The following CDH20 variants were observed in gnomAD, a reference collection of about 807,000 sequenced individuals.
CDH20 encodes the protein cadherin-20.
In CDH20, 29 loss-of-function variants were observed where a neutral mutation model predicts 74.2. That is an observed-to-expected ratio of 0.39 (90% confidence interval 0.29 to 0.53). The LOEUF (loss-of-function observed/expected upper bound fraction) is 0.53. Ranked by LOEUF, CDH20 falls within the 20% of genes least tolerant of loss-of-function variation. The pLI is 0.69. For missense variants in CDH20, 988 were observed against 1,048.3 expected (o/e 0.94, Z 0.79); for synonymous variants, 469 against 405.4 (o/e 1.16, Z -1.88).
intron 1 of CDH20, among the ~76,000 whole-genome samples, chr18:61,369,054 C>CTGGGATT (rs912809454): frequency 6.6e-6 from 1 of 151,524 alleles, no homozygotes; most frequent in African/African-American, 2.4e-5. Flanking sequence ...TCTATAGAAA[C>CTGGGATT]TGGGATTTGG....
At chr18:61,393,060 T>C (rs1911847467) in intron 1 of CDH20, among the ~76,000 whole-genome samples, 1 of 152,236 alleles carries the variant, frequency 6.6e-6, no homozygotes, top group African/African-American at 2.4e-5. Context: ...ATGTTGCCCA[T>C]AATAAAGCCA....
intron 1 of CDH20, among the ~76,000 whole-genome samples, chr18:61,487,405 GC>G (rs1448571232): frequency 6.6e-6 from 1 of 152,198 alleles, no homozygotes; most frequent in African/African-American, 2.4e-5. Context: ...GTATAACCCA[GC>G]TTTTACCTTC....
chr18:61,460,050 A>C (rs1321034281), intron 1 of CDH20, among the ~76,000 whole-genome samples: 5 of 152,184 alleles, frequency 3.3e-5, no homozygotes, highest in African/African-American at 1.2e-4. Flanking sequence ...ATTGGATTTG[A>C]GTTCCTTTCT....
intron 1 of CDH20, among the ~76,000 whole-genome samples, chr18:61,475,297 T>C (rs1956460394): frequency 6.6e-6 from 1 of 152,196 alleles, no homozygotes; most frequent in Admixed American, 6.5e-5. Flanking sequence ...AAGGTGGGGA[T>C]GGAAGAAATC....
intron 6 of CDH20, among the ~76,000 whole-genome samples, chr18:61,517,695 T>TTGATG (rs1555682483): frequency 6.6e-6 from 1 of 151,916 alleles, no homozygotes; most frequent in Admixed American, 6.6e-5. Flanking sequence ...TGCAGTTTTT[T>TTGATG]TTGTTGTTGT....
At chr18:61,344,776 A>T (rs141246714) in intron 1 of CDH20, among the ~76,000 whole-genome samples, 1 of 152,228 alleles carries the variant, frequency 6.6e-6, no homozygotes, top group African/African-American at 2.4e-5. Flanking sequence ...AGGTCTCCAG[A>T]CTGGAAGGTA....
rs116055339 is a variant in CDH20, at chr18:61,489,918, A to G, written c.-152-484A>G. 5.1e-3 allele frequency among the ~76,000 whole-genome samples: 770 copies of G among 152,188 alleles called. 9 individuals carry two copies. The highest frequency in any genetic ancestry group is 0.018 in the African/African-American group (728 of 41,524). ...TATCAATAACAGCAGTAGGCACAAG[A>G]TCATTGTGGGTGACCAAAAAAAAAC... On this transcript the variant is annotated intron_variant, in intron 1 of 11. Coordinates refer to ENST00000262717, the MANE Select transcript of CDH20 (RefSeq NM_031891.4).
At chr18:61,415,433 T>C (rs961207439) in intron 1 of CDH20, among the ~76,000 whole-genome samples, 1 of 152,200 alleles carries the variant, frequency 6.6e-6, no homozygotes, top group African/African-American at 2.4e-5. Flanking sequence ...ACACTTTGTG[T>C]GAGTCCCATC....
intron 10 of CDH20, among the ~76,000 whole-genome samples, chr18:61,545,519 C>T (rs970940354): frequency 4.6e-5 from 7 of 152,096 alleles, no homozygotes; most frequent in African/African-American, 1.7e-4. Context: ...GTGCCTGTCC[C>T]GTGCCAGAAA....
At chr18:61,418,025 C>T (rs1912748638) in intron 1 of CDH20, among the ~76,000 whole-genome samples, 1 of 151,984 alleles carries the variant, frequency 6.6e-6, no homozygotes, top group Non-Finnish European at 1.5e-5. Flanking sequence ...TTGAAATAAT[C>T]ATAATAAAAA....
At chr18:61,432,076 C>T (rs1203085061) in intron 1 of CDH20, among the ~76,000 whole-genome samples, 1 of 151,848 alleles carries the variant, frequency 6.6e-6, no homozygotes, top group African/African-American at 2.4e-5. Flanking sequence ...GAAACCCCAT[C>T]TCTACTAAAA....
At chr18:61,536,462 CA>C (rs1288826041) in intron 7 of CDH20, 30 bp from the exon 8 acceptor site, 11 of 1,606,464 alleles carry the variant, frequency 6.8e-6, no homozygotes, top group Non-Finnish European at 9.4e-6. Context: ...TACCCAAATG[CA>C]AATGATGTAC....
At position 61,425,040 on chromosome 18, in the gene CDH20, C is replaced by CCTCTCTCT. The variant is rs10535853; in HGVS notation, c.-152-65332_-152-65325dup. Reference sequence around the variant, plus strand: ...TCCCTCTCTCTCCCACTTCCCCGCTCCTCTCTCTCTCTCTCTCTCTCTCTC... The same window carrying CCTCTCTCT: ...TCCCTCTCTCTCCCACTTCCCCGCTCCTCTCTCTCTCTCTCTCTCTCTCTCTCTCTCTC... On this transcript the variant is annotated intron_variant, in intron 1 of 11. Coordinates refer to ENST00000262717, the MANE Select transcript of CDH20 (RefSeq NM_031891.4). 2.8e-3 allele frequency among the ~76,000 whole-genome samples: 373 copies of CCTCTCTCT among 134,718 alleles called. 3 individuals carry two copies. The highest frequency in any genetic ancestry group is 0.013 in the South Asian group (51 of 3,834). 88.4% of individuals were successfully genotyped at this position (134,718 alleles called of 152,430 possible).
At chr18:61,385,103 T>C (rs550976527) in intron 1 of CDH20, among the ~76,000 whole-genome samples, 1 of 152,268 alleles carries the variant, frequency 6.6e-6, no homozygotes, top group East Asian at 1.9e-4. Flanking sequence ...CCTCCAAACC[T>C]GCCTTTAATT....
At chr18:61,371,765 C>T (rs1911048919) in intron 1 of CDH20, among the ~76,000 whole-genome samples, 2 of 151,826 alleles carry the variant, frequency 1.3e-5, no homozygotes, top group Middle Eastern at 3.4e-3. Context: ...GATTATTGGC[C>T]TTATATTTTC....
chr18:61,456,817 G>C (rs1447339943), intron 1 of CDH20, among the ~76,000 whole-genome samples: 1 of 152,120 alleles, frequency 6.6e-6, no homozygotes, highest in Admixed American at 6.6e-5. Context: ...GGCAGATCTG[G>C]TGTCTGGTGA....
chr18:61,493,650 G>A (rs776172466), intron 2 of CDH20, among the ~76,000 whole-genome samples: 4 of 152,098 alleles, frequency 2.6e-5, no homozygotes, highest in South Asian at 4.1e-4. Context: ...CGCTCATCAG[G>A]CCACATTCAA....
intron 1 of CDH20, among the ~76,000 whole-genome samples, chr18:61,389,956 C>A (rs1911719911): frequency 6.6e-6 from 1 of 152,168 alleles, no homozygotes; most frequent in Non-Finnish European, 1.5e-5. Flanking sequence ...GCTCCAGTAA[C>A]AGTCATCTTA....
chr18:61,415,626 A>T (rs1291150073), intron 1 of CDH20, among the ~76,000 whole-genome samples: 1 of 152,238 alleles, frequency 6.6e-6, no homozygotes, highest in African/African-American at 2.4e-5. Context: ...GTGTATGATT[A>T]ATTTCAACAT....
Sources: gnomAD v4.1 joint callset for allele counts (sites outside exome capture counted in the v4.1 genomes callset) on GRCh38, gnomAD v4.1.1 for gene constraint, MANE v1.5 for transcripts, NCBI Gene and HGNC (gene_info 2026-07-23, HGNC 2026-07-21) for gene names.